Variants in MACROD2 observed in about 807,000 individuals in gnomAD.
MACROD2 encodes ADP-ribose glycohydrolase MACROD2.
In MACROD2, 36 loss-of-function variants were observed where a neutral mutation model predicts 70.4. That is an observed-to-expected ratio of 0.51 (90% confidence interval 0.39 to 0.68). The LOEUF (loss-of-function observed/expected upper bound fraction) is 0.68, where lower values mean the gene tolerates loss of function less well. MACROD2 is among the 30% of genes least tolerant of loss of function. The pLI is 0.00. For synonymous variants in MACROD2, 172 were observed against 178.8 expected, an observed-to-expected ratio of 0.96 and a Z score of 0.30; for missense variants, 496 against 538.4, an observed-to-expected ratio of 0.92 and a Z score of 0.78.
chr20:14,399,472 A>G (rs2083615264), intron 3 of MACROD2, among the ~76,000 whole-genome samples: 1 of 152,042 alleles, frequency 6.6e-6, no homozygotes, highest in South Asian at 2.1e-4. Context: ...CGTAAGATGT[A>G]ATTTCTCTCT....
At chr20:15,166,707 A>G (rs1209400913) in intron 5 of MACROD2, among the ~76,000 whole-genome samples, 1 of 151,942 alleles carries the variant, frequency 6.6e-6, no homozygotes, top group Non-Finnish European at 1.5e-5. Flanking sequence ...GATTAAGGGT[A>G]TTTATTTAGT....
At chr20:16,034,025 C>G (rs1333577919) in intron 15 of MACROD2, among the ~76,000 whole-genome samples, 3 of 151,876 alleles carry the variant, frequency 2.0e-5, no homozygotes, top group Non-Finnish European at 4.4e-5. Flanking sequence ...TCCTTTCACA[C>G]TGGATGAATT....
At chr20:14,632,647 G>A (rs538513433) in intron 4 of MACROD2, among the ~76,000 whole-genome samples, 214 of 152,256 alleles carry the variant, frequency 1.4e-3, no homozygotes, top group South Asian at 7.3e-3. Flanking sequence ...AAAGTGGAAG[G>A]TAGTAGATAG....
At chr20:15,870,926 C>G (rs1426539264) in intron 9 of MACROD2, among the ~76,000 whole-genome samples, 1 of 152,206 alleles carries the variant, frequency 6.6e-6, no homozygotes, top group Non-Finnish European at 1.5e-5. Flanking sequence ...CGCCTGCAAT[C>G]CCAGCACTTT....
intron 3 of MACROD2, among the ~76,000 whole-genome samples, chr20:14,146,283 C>T (rs937542678): frequency 6.6e-6 from 1 of 151,978 alleles, no homozygotes; most frequent in African/African-American, 2.4e-5. Flanking sequence ...GGCGCCACTG[C>T]ACTCCAGCCT....
chr20:15,037,136 G>A (rs1030804417), intron 5 of MACROD2, among the ~76,000 whole-genome samples: 2 of 152,026 alleles, frequency 1.3e-5, no homozygotes, highest in Non-Finnish European at 2.9e-5. Flanking sequence ...TTATGCGGTG[G>A]CACTTTCATG....
At chr20:14,957,586 G>C (rs2074548265) in intron 5 of MACROD2, among the ~76,000 whole-genome samples, 1 of 152,090 alleles carries the variant, frequency 6.6e-6, no homozygotes, top group Non-Finnish European at 1.5e-5. Context: ...TTTCTGTTGA[G>C]AACTCTGAGG....
chr20:15,996,327 G>A (rs1454685684), intron 15 of MACROD2, among the ~76,000 whole-genome samples: 1 of 152,018 alleles, frequency 6.6e-6, no homozygotes, highest in Non-Finnish European at 1.5e-5. Context: ...TGTCTACTGA[G>A]GTCTCGGTAT....
At chr20:14,640,410 TA>T (rs988320941) in intron 4 of MACROD2, among the ~76,000 whole-genome samples, 23 of 152,166 alleles carry the variant, frequency 1.5e-4, no homozygotes, top group Non-Finnish European at 8.8e-5. Context: ...GTGAAAAGGA[TA>T]TTTTTTTTTC....
intron 3 of MACROD2, among the ~76,000 whole-genome samples, chr20:14,420,339 A>T (rs537951067): frequency 1.3e-5 from 2 of 152,214 alleles, no homozygotes; most frequent in South Asian, 4.1e-4. Context: ...CCAGCATAGC[A>T]CAAGTGTTCC....
At chr20:14,008,150 C>T (rs2263680) in intron 2 of MACROD2, among the ~76,000 whole-genome samples, 4 of 152,216 alleles carry the variant, frequency 2.6e-5, no homozygotes, top group Admixed American at 1.3e-4. Flanking sequence ...TGAGGTAAAG[C>T]GTATTCAGCT....
At chr20:14,175,626 A>G (rs895961344) in intron 3 of MACROD2, among the ~76,000 whole-genome samples, 3 of 152,226 alleles carry the variant, frequency 2.0e-5, no homozygotes, top group African/African-American at 7.2e-5. Flanking sequence ...ACAGGGTGCT[A>G]GAGTTGGATA....
At chr20:14,586,212 G>T (rs1600418553) in intron 4 of MACROD2, among the ~76,000 whole-genome samples, 1 of 151,822 alleles carries the variant, frequency 6.6e-6, no homozygotes, top group Non-Finnish European at 1.5e-5. Flanking sequence ...TGTGATGAAG[G>T]GCGATGAGAT....
At chr20:14,444,037 A>G (rs1035822583) in intron 3 of MACROD2, among the ~76,000 whole-genome samples, 1 of 152,096 alleles carries the variant, frequency 6.6e-6, no homozygotes, top group Non-Finnish European at 1.5e-5. Flanking sequence ...ACCAAATCTC[A>G]CTTTATCTAA....
At chr20:14,705,566 C>A (rs1708670120) in intron 5 of MACROD2, among the ~76,000 whole-genome samples, 2 of 152,082 alleles carry the variant, frequency 1.3e-5, no homozygotes, top group Non-Finnish European at 2.9e-5. Context: ...GCCTGAAAAT[C>A]AGAAGGTTGC....
chr20:14,801,014 CAA>C (rs1447190915), intron 5 of MACROD2, among the ~76,000 whole-genome samples: 9 of 152,132 alleles, frequency 5.9e-5, no homozygotes, highest in Non-Finnish European at 1.2e-4. Flanking sequence ...TCTCTTTACT[CAA>C]TGTTTATACA....
At chr20:14,388,384 T>C (rs2083490531) in intron 3 of MACROD2, among the ~76,000 whole-genome samples, 1 of 152,206 alleles carries the variant, frequency 6.6e-6, no homozygotes, top group East Asian at 1.9e-4. Flanking sequence ...GTTGGGACTC[T>C]GATGTCACCC....
Position 14,075,167 on chromosome 20 carries a change from C to CA in MACROD2, c.164-10445dup, listed in dbSNP as rs1227408389. Reference sequence around the variant, plus strand: ...AGTAAAAAGGTGAAAGTTCTGTACTCAAAAAAAAATCGTATGTTGAGATTT... The same window carrying CA: ...AGTAAAAAGGTGAAAGTTCTGTACTCAAAAAAAAAATCGTATGTTGAGATTT... On this transcript the variant is annotated intron_variant, in intron 2 of 17. Transcript: ENST00000684519. Among the ~76,000 whole-genome samples the CA allele has an allele frequency of 1.1e-4, 16 of 150,452 alleles. No individual in the cohort carries two copies. In the East Asian group the frequency reaches 1.4e-3, roughly 13 times the overall value.
At chr20:15,641,090 A>G (rs563072705) in intron 8 of MACROD2, among the ~76,000 whole-genome samples, 43 of 152,232 alleles carry the variant, frequency 2.8e-4, no homozygotes, top group Non-Finnish European at 5.7e-4. Context: ...TATTGAAAAT[A>G]GAGTTTATTG....
Sources: gnomAD v4.1 joint callset for allele counts (sites outside exome capture counted in the v4.1 genomes callset) on GRCh38, gnomAD v4.1.1 for gene constraint, MANE v1.5 for transcripts, NCBI Gene and HGNC (gene_info 2026-07-23, HGNC 2026-07-21) for gene names.